Variants in ANKDD1B observed in about 807,000 individuals in gnomAD.
The protein encoded by ANKDD1B is ankyrin repeat and death domain containing 1B.
In ANKDD1B, 57 loss-of-function variants were observed where a neutral mutation model predicts 59.7. The ratio of observed to expected loss-of-function variants is 0.95; its 90% CI spans 0.77 to 1.19. The LOEUF is 1.19. ANKDD1B is among the 50% of genes most tolerant of loss of function. The probability of loss-of-function intolerance (pLI) is 0.00; values close to 1 mark genes in which losing one functional copy is unlikely to be tolerated. For synonymous variants in ANKDD1B, 216 were observed against 239.5 expected (o/e 0.90, Z 0.91); for missense variants, 602 against 641.9 (o/e 0.94, Z 0.67).
At chr5:75,623,156 G>A (rs558770485) in intron 3 of ANKDD1B, among the ~76,000 whole-genome samples, 3 of 152,142 alleles carry the variant, frequency 2.0e-5, no homozygotes, top group East Asian at 1.9e-4. Context: ...TTGGCTTGCC[G>A]CAACCTCCTC....
intron 7 of ANKDD1B, among the ~76,000 whole-genome samples, chr5:75,637,366 C>CT (rs976255454): frequency 6.7e-6 from 1 of 150,316 alleles, no homozygotes; most frequent in African/African-American, 2.5e-5. Flanking sequence ...TGGATGGTCA[C>CT]TTCTCAACCT....
Position 75,635,859 on chromosome 5 carries a change from C to T in ANKDD1B, c.775C>T (p.Gln259Ter). ...AGTGCAGGTGCTGCTAGCCCAGTGG[C>T]AAGACATAAATGAGATGAATGAGGT... ...PAVQVLLAQW[Q>*]DINEMNELNI... The change falls in exon 7 of 14, where the codon CAA becomes TAA. Residue 259 changes from glutamine to a stop codon, truncating the protein, a stop_gained. Transcript: ENST00000601380. LOFTEE classifies it high-confidence loss of function. 2.0e-6 allele frequency: 3 copies of T among 1,532,964 alleles called. No homozygotes were observed. Among genetic ancestry groups the T allele is most frequent in the Non-Finnish European group, 2.6e-6 (3 of 1,144,534 alleles). 95.0% of individuals were successfully genotyped at this position (1,532,964 alleles called of 1,614,324 possible).
intron 3 of ANKDD1B, among the ~76,000 whole-genome samples, chr5:75,623,590 A>C (rs1359075402): frequency 1.3e-5 from 2 of 152,158 alleles, no homozygotes; most frequent in Non-Finnish European, 2.9e-5. Context: ...CACCGTCTAG[A>C]GTGATAGCTG....
Position 75,671,839 on chromosome 5 carries a change from G to C in ANKDD1B, c.*799G>C, listed in dbSNP as rs57376504. 1.6e-5 allele frequency: 1 copy of C among 62,806 alleles called. No individual in the cohort carries two copies. Among genetic ancestry groups the C allele is most frequent in the Admixed American group, 1.7e-4 (1 of 5,984 alleles). 3.9% of individuals were successfully genotyped at this position (62,806 alleles called of 1,614,324 possible). ...AGAGTTATGAAATAAATGTAAAATTGAGTGTCAGTTTATGTGCACCTATTC... is the reference window on the plus strand; with the variant it reads ...AGAGTTATGAAATAAATGTAAAATTCAGTGTCAGTTTATGTGCACCTATTC... On this transcript the variant is annotated 3_prime_UTR_variant, in exon 14 of 14. Coordinates refer to ENST00000601380, the MANE Select transcript of ANKDD1B (RefSeq NM_001276713.2).
At chr5:75,662,104 G>A (rs886356671) in intron 10 of ANKDD1B, among the ~76,000 whole-genome samples, 1 of 152,024 alleles carries the variant, frequency 6.6e-6, no homozygotes, top group Non-Finnish European at 1.5e-5. Flanking sequence ...AAGGGTAGAA[G>A]TGTTTGGATT....
Position 75,611,644 on chromosome 5 carries a change from G to T in ANKDD1B, c.10G>T (p.Ala4Ser). ...GCCCGCGGAGGAGACTATGGACCCC[G>T]CCGGGCGCGCCCGGGGCCAAGGGGC... MDP[A>S]GRARGQGATA... The change falls in exon 1 of 14, where the codon GCC (alanine) becomes TCC (serine). Residue 4 changes from alanine (A) to serine (S), a missense_variant. This residue lies in a region of ANKDD1B where 317 missense variants were observed against 304.6 expected (regional missense o/e 1.04). Coordinates refer to ENST00000601380, the MANE Select transcript of ANKDD1B (RefSeq NM_001276713.2). 8.1e-7 allele frequency: 1 copy of T among 1,231,218 alleles called. No homozygotes were observed. The highest frequency in any genetic ancestry group is 1.0e-6 in the Non-Finnish European group (1 of 987,784). The allele number at this position is 1,231,218 out of a possible 1,614,324, so 76.3% of individuals were successfully genotyped here.
chr5:75,659,150 A>T (rs1266681743), intron 9 of ANKDD1B, 133 bp from the exon 10 acceptor site: 4 of 628,448 alleles, frequency 6.4e-6, no homozygotes, highest in Non-Finnish European at 1.1e-5. Context: ...TGCAAATAAT[A>T]ATGCAATGAA....
chr5:75,661,686 C>CT (rs1385908945), intron 10 of ANKDD1B, among the ~76,000 whole-genome samples: 2 of 152,032 alleles, frequency 1.3e-5, no homozygotes, highest in Non-Finnish European at 2.9e-5. Flanking sequence ...GTTGGGGTCC[C>CT]TGCTGCTTAG....
intron 13 of ANKDD1B, among the ~76,000 whole-genome samples, chr5:75,670,467 G>A (rs1775446265): frequency 6.6e-6 from 1 of 152,196 alleles, no homozygotes; most frequent in Non-Finnish European, 1.5e-5. Context: ...CAATTTTTCA[G>A]AAATTGATGA....
At chr5:75,663,291 G>T (rs1775207467) in intron 10 of ANKDD1B, 103 bp from the exon 11 acceptor site, 4 of 843,058 alleles carry the variant, frequency 4.7e-6, no homozygotes, top group Non-Finnish European at 7.6e-6. Context: ...ACCCAGCATG[G>T]GCTGGTAGAA....
chr5:75,664,415 T>G (rs960989136), intron 11 of ANKDD1B, among the ~76,000 whole-genome samples: 4 of 152,250 alleles, frequency 2.6e-5, no homozygotes, highest in African/African-American at 9.6e-5. Context: ...ACAAAAAAAG[T>G]GCTTTGCTTG....
Position 75,625,951 on chromosome 5 carries a change from A to G in ANKDD1B, c.596A>G (p.Asp199Gly). ...CACCTCAAGGACCTGAACCAGCCTG[A>G]TGAGGTGTGTTCACTTTGGTTGTGT... ...DLHLKDLNQP[D>G]EKGRKPFLLA... The change falls in exon 5 of 14, where the codon GAT (aspartate) becomes GGT (glycine). Residue 199 changes from aspartate (D) to glycine (G), a missense_variant. By Grantham distance (94) the Asp-to-Gly change is moderately conservative. Transcript: ENST00000601380. 2 of 1,534,080 alleles carry G rather than the reference A, an allele frequency of 1.3e-6. No individual in the cohort carries two copies. Among genetic ancestry groups the G allele is most frequent in the Non-Finnish European group, 1.7e-6 (2 of 1,145,064 alleles).
At chr5:75,660,511 G>A (rs1409183773) in intron 10 of ANKDD1B, among the ~76,000 whole-genome samples, 2 of 152,144 alleles carry the variant, frequency 1.3e-5, no homozygotes, top group Non-Finnish European at 2.9e-5. Flanking sequence ...TGGACATTTG[G>A]GTTGCGTCCA....
In ANKDD1B at chr5:75,616,917, A is replaced by AGCT; in HGVS notation, c.297+11_297+12insCTG. The stretch of plus-strand genomic sequence containing the variant: ...TAATGTTGTGAACAATGTGAGTAGA[A>AGCT]GTCATAAATATGACAAGTGACTTCT... On this transcript the variant is annotated intron_variant, in intron 2 of 13. Transcript: ENST00000601380. 1 of 1,335,214 alleles carries AGCT rather than the reference A, an allele frequency of 7.5e-7. No homozygotes were observed. The highest frequency in any genetic ancestry group is 1.0e-6 in the Non-Finnish European group (1 of 970,600). 82.7% of individuals were successfully genotyped at this position (1,335,214 alleles called of 1,614,324 possible). A position where few individuals can be genotyped will look rare whatever the true frequency, so the allele number is the denominator to read the frequency against.
chr5:75,629,653 A>C (rs1774094729), intron 5 of ANKDD1B, among the ~76,000 whole-genome samples: 1 of 152,166 alleles, frequency 6.6e-6, no homozygotes, highest in Non-Finnish European at 1.5e-5. Flanking sequence ...ATATCAGGTT[A>C]GCCAGGCACA....
chr5:75,667,395 C>T (rs1425935585), intron 12 of ANKDD1B, among the ~76,000 whole-genome samples: 2 of 152,120 alleles, frequency 1.3e-5, no homozygotes, highest in African/African-American at 4.8e-5. Flanking sequence ...TGGGTTCATT[C>T]TGTAATCAAT....
chr5:75,647,851 C>T (rs1010940246), intron 7 of ANKDD1B, among the ~76,000 whole-genome samples: 2 of 114,128 alleles, frequency 1.8e-5, no homozygotes, highest in African/African-American at 5.2e-5. Flanking sequence ...TGGAACCAAC[C>T]CAAATGTCCA....
chr5:75,625,222 T>C (rs1169446723), intron 3 of ANKDD1B, among the ~76,000 whole-genome samples: 1 of 152,162 alleles, frequency 6.6e-6, no homozygotes, highest in Non-Finnish European at 1.5e-5. Context: ...CTTTTTCTCC[T>C]CCATATGTAA....
intron 1 of ANKDD1B, among the ~76,000 whole-genome samples, chr5:75,612,199 T>C (rs1032707180): frequency 1.3e-5 from 2 of 152,234 alleles, no homozygotes; most frequent in African/African-American, 4.8e-5. Flanking sequence ...ACTTAATCTT[T>C]CTGCACTTAA....
Sources: allele counts gnomAD v4.1 joint callset (sites outside exome capture counted in the v4.1 genomes callset), GRCh38; gene constraint gnomAD v4.1.1; regional missense constraint gnomAD v4.1.1; transcripts MANE v1.5; gene names NCBI Gene and HGNC (gene_info 2026-07-23, HGNC 2026-07-21).